Variants in LRP1B observed in about 807,000 individuals in gnomAD.
LRP1B encodes LDL receptor related protein 1B.
In LRP1B, 217 loss-of-function variants were observed where a neutral mutation model predicts 556.6. The ratio of observed to expected loss-of-function variants is 0.39; its 90% CI spans 0.35 to 0.44. The LOEUF is 0.44. Ranked by LOEUF, LRP1B falls within the 20% of genes least tolerant of loss-of-function variation. LRP1B has a pLI of 1.00. For synonymous variants in LRP1B, 2,047 were observed against 1,865.8 expected, an observed-to-expected ratio of 1.10 and a Z score of -2.50; for missense variants, 5,053 against 5,620.8, an observed-to-expected ratio of 0.90 and a Z score of 3.23.
intron 7 of LRP1B, among the ~76,000 whole-genome samples, chr2:141,187,856 G>A (rs1245248185): frequency 6.6e-6 from 1 of 150,762 alleles, no homozygotes; most frequent in African/African-American, 2.4e-5. Context: ...AAAAAAAAAA[G>A]AAGATGAATT....
chr2:142,128,253 A>T (rs1707725948), intron 1 of LRP1B, among the ~76,000 whole-genome samples: 1 of 152,178 alleles, frequency 6.6e-6, no homozygotes, highest in South Asian at 2.1e-4. Context: ...CTTCTGATAT[A>T]GTTCATACAG....
At chr2:142,107,380 T>TA (rs1430871285) in intron 1 of LRP1B, among the ~76,000 whole-genome samples, 2 of 152,182 alleles carry the variant, frequency 1.3e-5, no homozygotes, top group African/African-American at 4.8e-5. Context: ...GGGTTGCTGA[T>TA]AAAAGGATGA....
Position 140,516,901 on chromosome 2 carries a change from C to A in LRP1B, c.8137G>T (p.Glu2713Ter), listed in dbSNP as rs866708281. The A allele has an allele frequency of 1.2e-6, 2 of 1,613,250 alleles. No homozygotes were observed. Among genetic ancestry groups the A allele is most frequent in the Admixed American group, 1.7e-5 (1 of 59,930 alleles). ...TACAATGTCTCACCACAGTGGAATT[C>A]ATCACGTCCATCCTCACAATCTTTC... Reference protein sequence around the residue: ...GQKDCEDGRDEFHCDSSCSWN... With the variant: ...GQKDCEDGRD Residue 2713 changes from glutamate to a stop codon, truncating the protein, a stop_gained, in exon 50 of 91, where the codon GAA (glutamate) becomes TAA (stop). Transcript: ENST00000389484. LOFTEE classifies it high-confidence loss of function.
intron 43 of LRP1B, among the ~76,000 whole-genome samples, chr2:140,592,663 T>G (rs1682274903): frequency 1.3e-5 from 2 of 152,104 alleles, no homozygotes; most frequent in Non-Finnish European, 2.9e-5. Flanking sequence ...ATAAGAAAGA[T>G]AGAAGATAGG....
chr2:141,690,396 A>AATAAATATATATATATAT lies in LRP1B; in HGVS notation c.205+119882_205+119883insATATATATATATATTTAT, dbSNP rs5834858. The stretch of plus-strand genomic sequence containing the variant: ...ATCCAGAAAAGGGATTACATCTATA[A>AATAAATATATATATATAT]ATATATATATATATATATATATATA... On this transcript the variant is annotated intron_variant, in intron 2 of 90. Transcript: ENST00000389484. Among the ~76,000 whole-genome samples the AATAAATATATATATATAT allele has an allele frequency of 2.3e-3, 61 of 26,810 alleles. 1 individual carries two copies. The highest frequency in any genetic ancestry group is 3.5e-3 in the Non-Finnish European group (45 of 12,820). The allele number at this position is 26,810 out of a possible 152,430, so 17.6% of individuals were successfully genotyped here.
chr2:140,885,657 A>G (rs991057029), intron 24 of LRP1B, among the ~76,000 whole-genome samples: 1 of 152,024 alleles, frequency 6.6e-6, no homozygotes, highest in Non-Finnish European at 1.5e-5. Flanking sequence ...GGCTATTTAT[A>G]TCAAAGACTT....
At chr2:141,161,322 GAC>G (rs1475356498) in intron 7 of LRP1B, among the ~76,000 whole-genome samples, 1 of 152,032 alleles carries the variant, frequency 6.6e-6, no homozygotes, top group African/African-American at 2.4e-5. Context: ...GGGAAGACAT[GAC>G]ACACAAACAA....
intron 1 of LRP1B, among the ~76,000 whole-genome samples, chr2:142,035,389 A>G (rs917456040): frequency 3.3e-5 from 5 of 151,676 alleles, no homozygotes; most frequent in African/African-American, 1.2e-4. Flanking sequence ...CTTTAAAGAA[A>G]TACAGGTGCC....
intron 23 of LRP1B, among the ~76,000 whole-genome samples, chr2:140,889,462 AT>A (rs1341663421): frequency 2.0e-5 from 3 of 152,034 alleles, no homozygotes; most frequent in Non-Finnish European, 4.4e-5. Flanking sequence ...TACCCAGTTA[AT>A]TTTTGTATTT....
intron 7 of LRP1B, among the ~76,000 whole-genome samples, chr2:141,129,691 C>T (rs879264168): frequency 6.6e-6 from 1 of 151,610 alleles, no homozygotes; most frequent in Non-Finnish European, 1.5e-5. Context: ...ATCTAAAAAA[C>T]CCAAGAGATT....
At position 140,422,975 on chromosome 2, in the gene LRP1B, G is replaced by T. The variant is rs557184362; in HGVS notation, c.10414+19529C>A. 2.6e-5 allele frequency among the ~76,000 whole-genome samples: 4 copies of T among 152,264 alleles called. No homozygotes were observed. In the South Asian group the frequency reaches 8.3e-4, roughly 32 times the overall value. On this transcript the variant is annotated intron_variant, in intron 66 of 90. Transcript: ENST00000389484. ...GTGATCACTTTCCATCTGTCAGTAA[G>T]ATGCTGAAAATTACCGAGTCACAGC...
Position 141,315,060 on chromosome 2 carries a change from G to A in LRP1B, c.344-60419C>T, listed in dbSNP as rs199691692. 8.1e-4 allele frequency among the ~76,000 whole-genome samples: 121 copies of A among 150,264 alleles called. 3 individuals carry two copies. The East Asian group carries it at 0.022, about 28-fold the overall frequency. ...TCTCCTTACAGTATCTAACCAAACA[G>A]GTAGGGACTATTACGGTACTCTCAC... On this transcript the variant is annotated intron_variant, in intron 3 of 90. Transcript: ENST00000389484.
At chr2:141,951,878 T>C (rs1000986550) in intron 1 of LRP1B, among the ~76,000 whole-genome samples, 3 of 152,162 alleles carry the variant, frequency 2.0e-5, no homozygotes, top group African/African-American at 7.2e-5. Context: ...GTTTCTAGGG[T>C]ACATGTGTAC....
At chr2:141,306,639 A>C (rs985698673) in intron 3 of LRP1B, among the ~76,000 whole-genome samples, 1 of 151,790 alleles carries the variant, frequency 6.6e-6, no homozygotes, top group African/African-American at 2.4e-5. Context: ...GTTCTGCTCC[A>C]GTCTTTTTTC....
At chr2:141,432,469 T>A (rs941415522) in intron 3 of LRP1B, among the ~76,000 whole-genome samples, 14 of 152,060 alleles carry the variant, frequency 9.2e-5, no homozygotes, top group Admixed American at 5.9e-4. Context: ...AATTAGGCAG[T>A]GTTCTCTCCT....
chr2:141,224,232 A>G (rs1187184675), intron 6 of LRP1B, among the ~76,000 whole-genome samples: 1 of 152,104 alleles, frequency 6.6e-6, no homozygotes, highest in East Asian at 1.9e-4. Context: ...ATGGCCAGCA[A>G]ACATGTGGAA....
At chr2:140,660,828 C>T (rs1365589359) in intron 41 of LRP1B, among the ~76,000 whole-genome samples, 2 of 150,394 alleles carry the variant, frequency 1.3e-5, no homozygotes, top group Admixed American at 6.6e-5. Context: ...GCTGTCTTTC[C>T]AATTTGTTGC....
intron 37 of LRP1B, among the ~76,000 whole-genome samples, chr2:140,710,730 A>T (rs1687001597): frequency 6.6e-6 from 1 of 152,050 alleles, no homozygotes; most frequent in African/African-American, 2.4e-5. Context: ...ATGGACTATC[A>T]GTGGAGAAAA....
intron 18 of LRP1B, among the ~76,000 whole-genome samples, chr2:140,967,882 G>A (rs1696281300): frequency 6.6e-6 from 1 of 151,690 alleles, no homozygotes; most frequent in Admixed American, 6.6e-5. Flanking sequence ...TGCATCCCAG[G>A]GATGAAGCCC....
Sources: gnomAD v4.1 joint callset for allele counts (sites outside exome capture counted in the v4.1 genomes callset) on GRCh38, gnomAD v4.1.1 for gene constraint, MANE v1.5 for transcripts, NCBI Gene and HGNC (gene_info 2026-07-23, HGNC 2026-07-21) for gene names.